The following TNS1 variants were observed in gnomAD, a reference collection of about 807,000 sequenced individuals.
The protein encoded by TNS1 is tensin-1.
TNS1 carries 62 observed loss-of-function variants against 168.6 expected under a neutral mutation model. The observed-to-expected ratio is 0.37, with a 90% CI of 0.30 to 0.45. The LOEUF (loss-of-function observed/expected upper bound fraction) is 0.45. TNS1 is among the 20% of genes least tolerant of loss of function. The probability of loss-of-function intolerance (pLI) is 1.00; values close to 1 mark genes in which losing one functional copy is unlikely to be tolerated. For synonymous variants in TNS1, 934 were observed against 933.2 expected, an observed-to-expected ratio of 1.00 and a Z score of -0.02; for missense variants, 2,240 against 2,339.4, an observed-to-expected ratio of 0.96 and a Z score of 0.88.
chr2:217,906,311 C>T (rs1226226185), intron 6 of TNS1, 24 bp downstream of exon 6: 9 of 700,422 alleles, frequency 1.3e-5, no homozygotes, highest in East Asian at 1.1e-4. Context: ...CAGCCCCATC[C>T]TTCTTCTCCC....
chr2:217,943,492 C>T (rs1255865091), intron 3 of TNS1, among the ~76,000 whole-genome samples: 1 of 152,158 alleles, frequency 6.6e-6, no homozygotes, highest in Admixed American at 6.5e-5. Flanking sequence ...TCCCTGTGTC[C>T]CTCCCTACTC....
chr2:217,813,615 C>T lies in TNS1; in HGVS notation c.4861+70G>A. 3.3e-6 allele frequency: 5 copies of T among 1,537,510 alleles called. No homozygotes were observed. The highest frequency in any genetic ancestry group is 4.4e-6 in the Non-Finnish European group (5 of 1,142,418). On this transcript the variant is annotated intron_variant, in intron 26 of 32. Transcript: ENST00000682258. The surrounding 1 kb of genome is among the most constrained non-coding windows in gnomAD (Gnocchi z 4.0). The stretch of plus-strand genomic sequence containing the variant: ...GTCCTGCCCAGCACCCTGGGTCCCT[C>T]CAGCACCTCCAGGTTTAGCGACTGT...
Position 218,032,822 on chromosome 2 carries a change from G to A in TNS1, c.156+998C>T, listed in dbSNP as rs931007431. ...ACAGAGGAGGGAGGGAGTCACAGGC[G>A]AGCTCCAGGCTCTCTCCAGAGGCCG... On this transcript the variant is annotated intron_variant, in intron 1 of 1. Transcript: ENST00000649572. This position sits in a 1 kb window ranked among gnomAD's most constrained non-coding sequence, Gnocchi z 4.0. Among the ~76,000 whole-genome samples, 5 of 152,086 alleles carry A rather than the reference G, an allele frequency of 3.3e-5. No homozygotes were observed. Among genetic ancestry groups the A allele is most frequent in the Admixed American group, 1.3e-4 (2 of 15,276 alleles).
intron 3 of TNS1, among the ~76,000 whole-genome samples, chr2:217,957,284 T>C (rs3791889): frequency 0.43 from 64,908 of 151,978 alleles, 18,827 homozygotes; most frequent in African/African-American, 0.83. Flanking sequence ...GAAGCAGCCA[T>C]GCAAGCTCCC....
intron 30 of TNS1, among the ~76,000 whole-genome samples, chr2:217,809,444 GATGGATGGATGGATGC>G (rs1559140720): frequency 5.9e-4 from 56 of 95,268 alleles, no homozygotes; most frequent in Non-Finnish European, 8.0e-4. Flanking sequence ...TGGATGGATG[GATGGATGGATGGATGC>G]ATGGATGGAT....
At chr2:217,902,083 G>C (rs1247380354) in intron 6 of TNS1, 1 of 152,170 alleles carries the variant, frequency 6.6e-6, no homozygotes, top group Non-Finnish European at 1.5e-5. Context: ...GCTTGGGGGT[G>C]GGGGGATTAG....
At chr2:217,877,076 C>G (rs548078327) in intron 18 of TNS1, among the ~76,000 whole-genome samples, 7 of 152,216 alleles carry the variant, frequency 4.6e-5, no homozygotes, top group African/African-American at 1.7e-4. Flanking sequence ...TCGTCCAGTC[C>G]GAGGGTCCTT....
In TNS1 at chr2:217,848,165, C is replaced by T. The variant is rs1946935224; in HGVS notation, c.2352G>A (p.Gln784=). 8.0e-7 allele frequency: 1 copy of T among 1,243,712 alleles called. No individual in the cohort carries two copies. Among genetic ancestry groups the T allele is most frequent in the Non-Finnish European group, 1.1e-6 (1 of 929,458 alleles). 77.0% of individuals were successfully genotyped at this position (1,243,712 alleles called of 1,614,324 possible). The change falls in exon 19 of 33, where the codon CAG becomes CAA. Residue 784 remains glutamine (Q), a synonymous_variant. Coordinates refer to ENST00000682258, the MANE Select transcript of TNS1 (RefSeq NM_001387777.1). ...CCTGCTGGCGTGGAGGTGGGCGAGG[C>T]TGCTGCTGCTGCTGCTGCTGCTGCT... ...SWQQQQQQQQ[Q]PRPPPRQQER... is the part of the protein sequence containing the mutation.
chr2:217,927,051 G>C (rs4674230), intron 3 of TNS1, among the ~76,000 whole-genome samples: 4,806 of 152,320 alleles, frequency 0.032, 217 homozygotes, highest in East Asian at 0.2. Flanking sequence ...TTTATCCACT[G>C]TGTGTCTCAC....
chr2:217,952,487 C>A (rs1030207230), intron 3 of TNS1, among the ~76,000 whole-genome samples: 1 of 152,176 alleles, frequency 6.6e-6, no homozygotes, highest in Non-Finnish European at 1.5e-5. Flanking sequence ...CACACACACA[C>A]AAAAGCCAGC....
chr2:217,885,630 A>G, intron 15 of TNS1, 114 bp downstream of exon 15: 1 of 1,100,208 alleles, frequency 9.1e-7, no homozygotes, highest in Non-Finnish European at 1.3e-6. Flanking sequence ...TATGGTTCCA[A>G]GCCTGGCAGC....
At chr2:218,008,890 T>C (rs1440809477) in intron 1 of TNS1, among the ~76,000 whole-genome samples, 1 of 150,914 alleles carries the variant, frequency 6.6e-6, no homozygotes, top group East Asian at 2.0e-4. Context: ...ATAATATCCC[T>C]GTTTTTTTTT....
intron 18 of TNS1, among the ~76,000 whole-genome samples, chr2:217,875,963 C>T (rs1369012398): frequency 6.6e-6 from 1 of 152,204 alleles, no homozygotes; most frequent in Non-Finnish European, 1.5e-5. Flanking sequence ...AGCCCCTCAC[C>T]CTTGTCAGCC....
chr2:217,813,261 G>A lies in TNS1; in HGVS notation c.4908C>T (p.Gly1636=). 1 of 1,601,886 alleles carries A rather than the reference G, an allele frequency of 6.2e-7. No individual in the cohort carries two copies. Among genetic ancestry groups the A allele is most frequent in the Non-Finnish European group, 8.5e-7 (1 of 1,173,378 alleles). Residue 1636 remains glycine, a synonymous_variant, in exon 27 of 33, where the codon GGC becomes GGT. Transcript: ENST00000682258. The surrounding 1 kb of genome is among the most constrained non-coding windows in gnomAD (Gnocchi z 4.0). ...ELVRHFLIET[G]PRGVKLKGCP... ...AGCCCTTGAGCTTGACTCCTCTGGGGCCAGTCTCTATCAGAAAATGCCTGA... is the reference window on the plus strand; with the variant it reads ...AGCCCTTGAGCTTGACTCCTCTGGGACCAGTCTCTATCAGAAAATGCCTGA...
Position 217,923,862 on chromosome 2 carries a change from G to T in TNS1, c.187-3626C>A, listed in dbSNP as rs1955866190. On this transcript the variant is annotated intron_variant, in intron 3 of 32. Coordinates refer to ENST00000682258, the MANE Select transcript of TNS1 (RefSeq NM_001387777.1). ...GTGCAGCTGGAAGGTGAGCATGGTA[G>T]CCTCCCAGACCAGGGCTGATGCCTG... 2.0e-5 allele frequency among the ~76,000 whole-genome samples: 3 copies of T among 152,308 alleles called. 1 individual carries two copies. Among genetic ancestry groups the T allele is most frequent in the Middle Eastern group, 6.8e-3 (2 of 294 alleles).
intron 3 of TNS1, among the ~76,000 whole-genome samples, chr2:217,935,040 C>T (rs1021449209): frequency 4.6e-5 from 7 of 152,238 alleles, no homozygotes; most frequent in South Asian, 2.1e-4. Context: ...GGTCACCTGA[C>T]GCCCCTGCCA....
In TNS1 at chr2:217,910,506, C is replaced by G. The variant is rs140398442; in HGVS notation, c.229-3255G>C. Among the ~76,000 whole-genome samples the G allele has an allele frequency of 2.5e-3, 379 of 152,144 alleles. 1 individual carries two copies. Among genetic ancestry groups the G allele is most frequent in the African/African-American group, 8.4e-3 (347 of 41,514 alleles). On this transcript the variant is annotated intron_variant, in intron 4 of 32. Transcript: ENST00000682258. ...TTGGGGCTACTGGGAAGGAAAAAGG[C>G]ATGGGACTGGTAACAGGAGGGCAGG...
chr2:217,859,475 G>A, intron 18 of TNS1: 1 of 631,928 alleles, frequency 1.6e-6, no homozygotes, highest in Non-Finnish European at 2.8e-6. Context: ...GTGAACACAG[G>A]ACCTGAATAG....
rs1365075850 is a variant in TNS1, at chr2:217,882,473, G to A, written c.1247-62C>T. 4.2e-6 allele frequency: 5 copies of A among 1,187,490 alleles called. No individual in the cohort carries two copies. In the African/African-American group the frequency reaches 7.7e-5, roughly 18 times the overall value. 73.6% of individuals were successfully genotyped at this position (1,187,490 alleles called of 1,614,324 possible). On this transcript the variant is annotated intron_variant, in intron 16 of 32. Coordinates refer to ENST00000682258, the MANE Select transcript of TNS1 (RefSeq NM_001387777.1). ...AGTCCCAAAAAGGATTCCATAAAAA[G>A]TTTTCTTCTAGAAAAAATTAAAATA...
Sources: gnomAD v4.1 joint callset for allele counts (sites outside exome capture counted in the v4.1 genomes callset) on GRCh38, gnomAD v4.1.1 for gene constraint, Gnocchi (gnomAD v3.1) non-coding constraint, MANE v1.5 for transcripts, NCBI Gene and HGNC (gene_info 2026-07-23, HGNC 2026-07-21) for gene names.